Variants in CNTNAP2 observed in about 807,000 individuals in gnomAD.
CNTNAP2 encodes the protein contactin-associated protein-like 2.
Under a neutral mutation model 155.2 loss-of-function variants are expected in CNTNAP2, and 98 were observed. The observed-to-expected ratio is 0.63, with a 90% CI of 0.54 to 0.75. The LOEUF (loss-of-function observed/expected upper bound fraction) is 0.75, where lower values mean the gene tolerates loss of function less well. Among genes scored for constraint, CNTNAP2 ranks in the 30% least tolerant of loss-of-function variants. The pLI, the probability that CNTNAP2 is intolerant of heterozygous loss-of-function variation, is 0.00. For synonymous variants in CNTNAP2, 651 were observed against 631.2 expected, an observed-to-expected ratio of 1.03 and a Z score of -0.47; for missense variants, 1,727 against 1,688.1, an observed-to-expected ratio of 1.02 and a Z score of -0.40.
chr7:147,980,373 C>T (rs1019116670), intron 15 of CNTNAP2, among the ~76,000 whole-genome samples: 2 of 152,152 alleles, frequency 1.3e-5, no homozygotes, highest in South Asian at 2.1e-4. Flanking sequence ...TCAAAATAAA[C>T]TTATTTATTC....
chr7:146,228,909 A>C (rs1216641545), intron 1 of CNTNAP2, among the ~76,000 whole-genome samples: 1 of 152,190 alleles, frequency 6.6e-6, no homozygotes. Flanking sequence ...AAAAATGAAC[A>C]TGATCTCTCT....
chr7:146,295,891 AG>A (rs1800507395), intron 1 of CNTNAP2, among the ~76,000 whole-genome samples: 1 of 151,776 alleles, frequency 6.6e-6, no homozygotes, highest in Non-Finnish European at 1.5e-5. Flanking sequence ...AAAAAAACAA[AG>A]AAAAGAAAAA....
intron 1 of CNTNAP2, among the ~76,000 whole-genome samples, chr7:146,126,323 ACT>A (rs1797636811): frequency 6.6e-6 from 1 of 152,230 alleles, no homozygotes. Flanking sequence ...CCTTGATGAC[ACT>A]GTCATATGTT....
intron 1 of CNTNAP2, among the ~76,000 whole-genome samples, chr7:146,584,385 T>C (rs1423460574): frequency 2.6e-5 from 4 of 152,180 alleles, no homozygotes; most frequent in South Asian, 2.1e-4. Flanking sequence ...AGGGTACCTT[T>C]AGCTGCAAGT....
At chr7:147,833,933 G>A (rs1798593507) in intron 13 of CNTNAP2, among the ~76,000 whole-genome samples, 1 of 152,150 alleles carries the variant, frequency 6.6e-6, no homozygotes, top group Non-Finnish European at 1.5e-5. Context: ...TGGCAACGCA[G>A]GTGAACAAGA....
intron 4 of CNTNAP2, among the ~76,000 whole-genome samples, chr7:147,084,083 CT>C (rs1484518895): frequency 2.5e-5 from 2 of 78,638 alleles, no homozygotes; most frequent in African/African-American, 5.1e-5. Flanking sequence ...ATGCATAATG[CT>C]ATATATGTAT....
intron 12 of CNTNAP2, among the ~76,000 whole-genome samples, chr7:147,565,270 T>C (rs1491000257): frequency 6.6e-6 from 1 of 151,954 alleles, no homozygotes; most frequent in Non-Finnish European, 1.5e-5. Context: ...GGCTGGAACA[T>C]AGTGAGCGTA....
intron 15 of CNTNAP2, among the ~76,000 whole-genome samples, chr7:148,050,532 TAA>T (rs1362051608): frequency 1.3e-5 from 2 of 152,120 alleles, no homozygotes; most frequent in African/African-American, 4.8e-5. Context: ...TAAAAGAAAT[TAA>T]AAGTTTAGAA....
intron 1 of CNTNAP2, among the ~76,000 whole-genome samples, chr7:146,250,968 CT>C (rs1799747204): frequency 6.6e-6 from 1 of 152,102 alleles, no homozygotes; most frequent in African/African-American, 2.4e-5. Context: ...CCATTATTTT[CT>C]TACTGTGAGA....
intron 1 of CNTNAP2, among the ~76,000 whole-genome samples, chr7:146,445,810 T>C (rs1412083789): frequency 6.6e-6 from 1 of 152,180 alleles, no homozygotes; most frequent in Non-Finnish European, 1.5e-5. Flanking sequence ...TATTGTAGCA[T>C]TGACAGTAGG....
At chr7:148,339,571 A>T (rs1798188553) in intron 21 of CNTNAP2, 1 of 152,268 alleles carries the variant, frequency 6.6e-6, no homozygotes, top group Non-Finnish European at 1.5e-5. Context: ...TGACCCGGCC[A>T]GTGGGAAAGC....
chr7:146,497,661 T>A (rs946909868), intron 1 of CNTNAP2, among the ~76,000 whole-genome samples: 15 of 151,908 alleles, frequency 9.9e-5, no homozygotes, highest in African/African-American at 3.6e-4. Context: ...AAAGAAGAGG[T>A]CTTGTCAAAT....
chr7:147,701,961 G>A (rs1294038437), intron 13 of CNTNAP2, among the ~76,000 whole-genome samples: 1 of 151,428 alleles, frequency 6.6e-6, no homozygotes, highest in East Asian at 1.9e-4. Context: ...ATGAATATAA[G>A]CTTGTTATTG....
chr7:147,698,224 G>A (rs1055573372), intron 13 of CNTNAP2, among the ~76,000 whole-genome samples: 2 of 152,158 alleles, frequency 1.3e-5, no homozygotes, highest in East Asian at 3.9e-4. Flanking sequence ...AGGCCAGACT[G>A]AAGATACCTA....
intron 1 of CNTNAP2, among the ~76,000 whole-genome samples, chr7:146,717,746 T>C (rs1027219459): frequency 1.7e-4 from 26 of 152,048 alleles, no homozygotes; most frequent in Admixed American, 1.0e-3. Flanking sequence ...TGGTAGAAAC[T>C]TATATTAATT....
At chr7:147,685,861 C>T (rs1438433036) in intron 13 of CNTNAP2, among the ~76,000 whole-genome samples, 1 of 151,708 alleles carries the variant, frequency 6.6e-6, no homozygotes, top group Non-Finnish European at 1.5e-5. Flanking sequence ...GAAGATTGCT[C>T]CAGGTTCTAG....
chr7:147,056,777 G>A (rs1028800350), intron 4 of CNTNAP2, among the ~76,000 whole-genome samples: 1 of 151,964 alleles, frequency 6.6e-6, no homozygotes, highest in African/African-American at 2.4e-5. Context: ...TTGTTCATTT[G>A]TTTGTTTGTT....
chr7:147,554,397 G>A (rs1249926848), intron 11 of CNTNAP2, among the ~76,000 whole-genome samples: 1 of 151,600 alleles, frequency 6.6e-6, no homozygotes, highest in African/African-American at 2.4e-5. Flanking sequence ...TTGAAACAGT[G>A]CCTTGAAGCC....
chr7:147,773,671 T>G (rs1303612529), intron 13 of CNTNAP2, among the ~76,000 whole-genome samples: 1 of 152,148 alleles, frequency 6.6e-6, no homozygotes, highest in Non-Finnish European at 1.5e-5. Context: ...ACCTGGACTG[T>G]GGCAGTATAC....
Sources: gnomAD v4.1 joint callset for allele counts (sites outside exome capture counted in the v4.1 genomes callset) on GRCh38, gnomAD v4.1.1 for gene constraint, MANE v1.5 for transcripts, NCBI Gene and HGNC (gene_info 2026-07-23, HGNC 2026-07-21) for gene names.